CPEB2: variants seen among roughly 807,000 people sequenced by gnomAD.
CPEB2 encodes the protein cytoplasmic polyadenylation element binding protein 2, also known as cytoplasmic polyadenylation element-binding protein 2.
Under a neutral mutation model 93.6 loss-of-function variants are expected in CPEB2, and 56 were observed. The ratio of observed to expected loss-of-function variants is 0.60; its 90% confidence interval spans 0.48 to 0.75. The LOEUF (loss-of-function observed/expected upper bound fraction) is 0.75. Among genes scored for constraint, CPEB2 ranks in the 30% least tolerant of loss-of-function variants. CPEB2 has a pLI of 0.00. For missense variants in CPEB2, 1,579 were observed against 1,395.1 expected, an observed-to-expected ratio of 1.13 and a Z score of -2.10; for synonymous variants, 764 against 586.3, an observed-to-expected ratio of 1.30 and a Z score of -4.38.
In CPEB2 at chr4:15,008,426, A is replaced by G; in HGVS notation, c.2033A>G (p.Gln678Arg). ...GCAGCCGGAACATCCAGAATAGACC[A>G]GGTAGGCTGCACAGTGTATACTTTT... ...CTAAGTSRIDQDRSRMYDSLN... is the reference protein window; with the variant it reads ...CTAAGTSRIDRDRSRMYDSLN... Residue 678 changes from glutamine (Q) to arginine (R), a missense_variant and splice_region_variant, in exon 3 of 12, where the codon CAG becomes CGG. Physicochemically the swap from Gln to Arg is conservative, Grantham distance 43 (BLOSUM62 1). Transcript: ENST00000538197. 6.2e-7 allele frequency: 1 copy of G among 1,608,068 alleles called. No individual in the cohort carries two copies. Among genetic ancestry groups the G allele is most frequent in the Non-Finnish European group, 8.5e-7 (1 of 1,174,714 alleles).
rs1256947907 is a variant in CPEB2 at position 15,002,972 on chromosome 4, G to A, written c.299G>A (p.Gly100Glu). The A allele has an allele frequency of 2.0e-6, 3 of 1,509,302 alleles. No individual in the cohort carries two copies. Among genetic ancestry groups the A allele is most frequent in the East Asian group, 4.9e-5 (2 of 40,406 alleles). The allele number at this position is 1,509,302 out of a possible 1,614,324, so 93.5% of individuals were successfully genotyped here. Reference protein sequence around the residue: ...QQTMQDELLLGLTQQPARPLS... With the variant: ...QQTMQDELLLELTQQPARPLS... ...ACCATGCAGGATGAGCTGCTTCTGG[G>A]GCTGACACAGCAGCCGGCGCGGCCG... The change falls in exon 1 of 12, where the codon GGG becomes GAG. Residue 100 changes from glycine to glutamate, a missense_variant. Coordinates refer to ENST00000538197, the MANE Select transcript of CPEB2 (RefSeq NM_001177382.2).
intron 6 of CPEB2, among the ~76,000 whole-genome samples, chr4:15,045,124 G>C (rs1435066074): frequency 1.3e-5 from 2 of 152,060 alleles, no homozygotes; most frequent in East Asian, 1.9e-4. Flanking sequence ...CCGAAGGAAG[G>C]CTTTTTCCCT....
In CPEB2 at chr4:15,002,983, C is replaced by A. The variant is rs1159499248; in HGVS notation, c.310C>A (p.Gln104Lys). The change falls in exon 1 of 12, where the codon CAG (glutamine) becomes AAG (lysine). Residue 104 changes from glutamine (Q) to lysine (K), a missense_variant. Physicochemically the swap from Gln to Lys is moderately conservative, Grantham distance 53. Coordinates refer to ENST00000538197, the MANE Select transcript of CPEB2 (RefSeq NM_001177382.2). ...QDELLLGLTQ[Q>K]PARPLSGAAA... Reference sequence around the variant, plus strand: ...TGAGCTGCTTCTGGGGCTGACACAGCAGCCGGCGCGGCCGCTTTCGGGGGC... The same window carrying A: ...TGAGCTGCTTCTGGGGCTGACACAGAAGCCGGCGCGGCCGCTTTCGGGGGC... 3 of 1,505,210 alleles carry A rather than the reference C, an allele frequency of 2.0e-6. No homozygotes were observed. The East Asian group carries it at 7.4e-5, about 37-fold the overall frequency. The allele number at this position is 1,505,210 out of a possible 1,614,324, so 93.2% of individuals were successfully genotyped here.
intron 7 of CPEB2, among the ~76,000 whole-genome samples, chr4:15,053,406 GAA>G: frequency 6.6e-6 from 1 of 152,258 alleles, no homozygotes; most frequent in South Asian, 2.1e-4. Context: ...AACAGAACAT[GAA>G]TAGGAAATTA....
In CPEB2 at chr4:15,003,412, C is replaced by G. The variant is rs867024774; in HGVS notation, c.739C>G (p.Gln247Glu). The G allele has an allele frequency of 7.3e-7, 1 of 1,361,160 alleles. No homozygotes were observed. The highest frequency in any genetic ancestry group is 9.4e-7 in the Non-Finnish European group (1 of 1,067,536). 84.3% of individuals were successfully genotyped at this position (1,361,160 alleles called of 1,614,324 possible). ...SLLHQQHLSP[Q>E]DFAPRQRPAD... ...CCTGCATCAGCAGCACCTCTCGCCG[C>G]AGGACTTCGCCCCGCGGCAGCGTCC... The change falls in exon 1 of 12, where the codon CAG (glutamine) becomes GAG (glutamate). Residue 247 changes from glutamine to glutamate, a missense_variant. Physicochemically the swap from Gln to Glu is conservative, Grantham distance 29. Around this residue, in one of 2 missense-constraint regions of CPEB2, gnomAD observed 1,411 missense variants for 1,056.0 expected, o/e 1.34. Transcript: ENST00000538197.
In CPEB2 at chr4:15,003,085, C is replaced by T. The variant is rs1171733873; in HGVS notation, c.412C>T (p.Gln138Ter). Residue 138 changes from glutamine to a stop codon, truncating the protein, a stop_gained, in exon 1 of 12, where the codon CAG (glutamine) becomes TAG (stop). Transcript: ENST00000538197. LOFTEE classifies it high-confidence loss of function. ...GGGTGTGACCCACCTCCTCCCCTCC[C>T]AGGACTTCAAACCGAGTCTGCACCA... ...IAGVTHLLPS[Q>*]DFKPSLHHPS... The T allele has an allele frequency of 1.3e-6, 2 of 1,532,930 alleles. No homozygotes were observed. Among genetic ancestry groups the T allele is most frequent in the Non-Finnish European group, 1.7e-6 (2 of 1,145,856 alleles). The allele number at this position is 1,532,930 out of a possible 1,614,324, so 95.0% of individuals were successfully genotyped here. A position where few individuals can be genotyped will look rare whatever the true frequency, so the allele number is the denominator to read the frequency against.
In CPEB2 at chr4:15,003,846, AC is replaced by A. The variant is rs1160661607; in HGVS notation, c.1177del (p.Gln393SerfsTer65). ...PWSVQTASPP[P>X]QPQQPPPTQP... ...GGTCGGTGCAGACCGCGTCGCCGCC[AC>A]CCCAGCCCCAGCAGCCGCCGCCGAC... On this transcript the variant is annotated frameshift_variant, in exon 1 of 12. Coordinates refer to ENST00000538197, the MANE Select transcript of CPEB2 (RefSeq NM_001177382.2). LOFTEE classifies it high-confidence loss of function. 5.8e-6 allele frequency: 5 copies of A among 856,912 alleles called. No homozygotes were observed. Among genetic ancestry groups the A allele is most frequent in the South Asian group, 3.3e-5 (1 of 30,270 alleles). The allele number at this position is 856,912 out of a possible 1,614,324, so 53.1% of individuals were successfully genotyped here.
intron 5 of CPEB2, 59 bp downstream of exon 5, chr4:15,033,270 CAT>C (rs1199489691): frequency 9.2e-7 from 1 of 1,086,530 alleles, no homozygotes; most frequent in Non-Finnish European, 1.4e-6. Flanking sequence ...TGATTTAATA[CAT>C]GTTTCTCTGA....
Position 15,004,289 on chromosome 4 carries a change from C to T in CPEB2, c.1616C>T (p.Ala539Val), listed in dbSNP as rs1170369443. The change falls in exon 1 of 12, where the codon GCG becomes GTG. Residue 539 changes from alanine (A) to valine (V), a missense_variant. Physicochemically the swap from Ala to Val is moderately conservative, Grantham distance 64 (BLOSUM62 0). Transcript: ENST00000538197. ...SPQLQQQHQA[A>V]AAAFLQQRNS... ...CAGCTCCAGCAGCAGCACCAGGCGG[C>T]GGCCGCCGCCTTCCTGCAGCAGAGG... 8 of 1,493,016 alleles carry T rather than the reference C, an allele frequency of 5.4e-6. No homozygotes were observed. In the East Asian group the frequency reaches 1.7e-4, roughly 32 times the overall value. The allele number at this position is 1,493,016 out of a possible 1,614,324, so 92.5% of individuals were successfully genotyped here.
chr4:15,052,138 C>A (rs1728292331), intron 6 of CPEB2, among the ~76,000 whole-genome samples: 1 of 151,848 alleles, frequency 6.6e-6, no homozygotes, highest in Admixed American at 6.6e-5. Flanking sequence ...TTGCTTATAA[C>A]AAGTTCTTGC....
At chr4:15,010,984 A>T (rs11945198) in intron 3 of CPEB2, among the ~76,000 whole-genome samples, 8,046 of 152,134 alleles carry the variant, frequency 0.053, 243 homozygotes, top group Non-Finnish European at 0.071. Flanking sequence ...TTTAAATAAG[A>T]TTTTTTAAAA....
At chr4:15,034,600 A>G (rs938431646) in intron 5 of CPEB2, among the ~76,000 whole-genome samples, 5 of 152,176 alleles carry the variant, frequency 3.3e-5, no homozygotes, top group African/African-American at 1.2e-4. Flanking sequence ...TTTTCTGGCA[A>G]GGTACTAGCG....
At chr4:15,033,355 C>A in intron 5 of CPEB2, 144 bp downstream of exon 5, 1 of 648,066 alleles carries the variant, frequency 1.5e-6, no homozygotes. Flanking sequence ...ATGCAAAAGG[C>A]AGAATTAGGA....
rs1443802910 is a variant in CPEB2, at chr4:15,004,227, G to A, written c.1554G>A (p.Pro518=). Reference sequence around the variant, plus strand: ...AGCAGCCCCCGCCGCCCGCGGCGCCGCAGCAGCCGCAGAGCCGGAGGTCGC... The same window carrying A: ...AGCAGCCCCCGCCGCCCGCGGCGCCACAGCAGCCGCAGAGCCGGAGGTCGC... ...PQQQPPPPAA[P]QQPQSRRSPV... is the part of the protein sequence containing the mutation. Residue 518 remains proline, a synonymous_variant, in exon 1 of 12, where the codon CCG becomes CCA. Transcript: ENST00000538197. 1 of 1,462,342 alleles carries A rather than the reference G, an allele frequency of 6.8e-7. No homozygotes were observed. The highest frequency in any genetic ancestry group is 2.4e-4 in the Middle Eastern group (1 of 4,136). 90.6% of individuals were successfully genotyped at this position (1,462,342 alleles called of 1,614,324 possible). A position where few individuals can be genotyped will look rare whatever the true frequency, so the allele number is the denominator to read the frequency against.
intron 5 of CPEB2, among the ~76,000 whole-genome samples, chr4:15,039,705 G>C (rs1460905186): frequency 1.3e-5 from 2 of 151,710 alleles, no homozygotes; most frequent in Non-Finnish European, 2.9e-5. Flanking sequence ...AAGTAACATA[G>C]ATAGAAATGC....
At position 15,002,713 on chromosome 4, in the gene CPEB2, C is replaced by T; in HGVS notation, c.40C>T (p.Leu14Phe). ...GTTTGGGGTGCTGCAGACCGCCCCG[C>T]TCCGAAGTAGCAGTCCTGGGCCCCT... ...FGFGVLQTAP[L>F]RSSSPGPLFC... The change falls in exon 1 of 12, where the codon CTC becomes TTC. Residue 14 changes from leucine (L) to phenylalanine (F), a missense_variant. Physicochemically the swap from Leu to Phe is conservative, Grantham distance 22 (BLOSUM62 0). This residue lies in a region of CPEB2 where 1,411 missense variants were observed against 1,056.0 expected (regional missense o/e 1.34). Transcript: ENST00000538197. 2 of 1,527,330 alleles carry T rather than the reference C, an allele frequency of 1.3e-6. No individual in the cohort carries two copies. Among genetic ancestry groups the T allele is most frequent in the East Asian group, 2.5e-5 (1 of 40,214 alleles). The allele number at this position is 1,527,330 out of a possible 1,614,324, so 94.6% of individuals were successfully genotyped here.
intron 11 of CPEB2, among the ~76,000 whole-genome samples, chr4:15,065,948 G>C (rs1729666864): frequency 6.6e-6 from 1 of 152,094 alleles, no homozygotes. Context: ...AGAAAGGTGA[G>C]AGTGGAATGT....
At chr4:15,026,493 T>A (rs1725494943) in intron 4 of CPEB2, among the ~76,000 whole-genome samples, 1 of 152,146 alleles carries the variant, frequency 6.6e-6, no homozygotes, top group Non-Finnish European at 1.5e-5. Flanking sequence ...CCCAAAATGC[T>A]TGGGATTACA....
Position 15,052,400 on chromosome 4 carries a change from G to T in CPEB2, c.2201-14G>T. On this transcript the variant is annotated splice_polypyrimidine_tract_variant and intron_variant, in intron 6 of 11. Transcript: ENST00000538197. ...CAGATCTGAGATTCAAGTTGTATTT[G>T]TTCTTTATTCTAGGTCGTTCTTCCC... The T allele has an allele frequency of 1.4e-6, 2 of 1,424,004 alleles. No homozygotes were observed. Among genetic ancestry groups the T allele is most frequent in the South Asian group, 1.6e-5 (1 of 61,576 alleles). 88.2% of individuals were successfully genotyped at this position (1,424,004 alleles called of 1,614,324 possible). A position where few individuals can be genotyped will look rare whatever the true frequency, so the allele number is the denominator to read the frequency against.
Sources: gnomAD v4.1 joint callset for allele counts (sites outside exome capture counted in the v4.1 genomes callset) on GRCh38, gnomAD v4.1.1 for gene constraint, gnomAD v4.1.1 regional missense constraint, MANE v1.5 for transcripts, NCBI Gene and HGNC (gene_info 2026-07-23, HGNC 2026-07-21) for gene names.